Variants in NLGN1 observed in about 807,000 individuals in gnomAD.
The protein encoded by NLGN1 is neuroligin 1, also known as neuroligin-1.
NLGN1 carries 12 observed loss-of-function variants against 65.5 expected under a neutral mutation model. The observed-to-expected ratio is 0.18, with a 90% confidence interval of 0.12 to 0.30. The LOEUF (loss-of-function observed/expected upper bound fraction) is 0.30, where lower values mean the gene tolerates loss of function less well. NLGN1 is among the 10% of genes least tolerant of loss of function. The pLI is 1.00. For synonymous variants in NLGN1, 350 were observed against 359.5 expected, an observed-to-expected ratio of 0.97 and a Z score of 0.30; for missense variants, 750 against 1,007.1, an observed-to-expected ratio of 0.74 and a Z score of 3.46.
At chr3:173,399,911 G>A (rs1015228756) in intron 1 of NLGN1, 3 of 152,118 alleles carry the variant, frequency 2.0e-5, no homozygotes, top group Admixed American at 6.5e-5. Context: ...TTTGAGTGAC[G>A]TATCTCTCTG....
chr3:173,600,190 TACATGTGTGTACACAC>T (rs1750217855), intron 2 of NLGN1, among the ~76,000 whole-genome samples: 2 of 62,298 alleles, frequency 3.2e-5, no homozygotes, highest in Non-Finnish European at 7.4e-5. Flanking sequence ...TACATGTGTG[TACATGTGTGTACACAC>T]ACACACACAC....
intron 3 of NLGN1, among the ~76,000 whole-genome samples, chr3:173,649,843 ACT>A (rs1242442815): frequency 6.6e-6 from 1 of 152,062 alleles, no homozygotes; most frequent in Non-Finnish European, 1.5e-5. Flanking sequence ...CAATAAGAAA[ACT>A]GTGTTCAAAT....
intron 4 of NLGN1, among the ~76,000 whole-genome samples, chr3:173,857,014 G>A (rs1256489512): frequency 2.1e-5 from 2 of 96,738 alleles, no homozygotes; most frequent in Non-Finnish European, 5.3e-5. Flanking sequence ...TGCAAAAGGC[G>A]TTAGATAAAA....
chr3:173,599,928 T>G (rs1445965279), intron 2 of NLGN1, among the ~76,000 whole-genome samples: 1 of 152,126 alleles, frequency 6.6e-6, no homozygotes, highest in Non-Finnish European at 1.5e-5. Flanking sequence ...TTGTTTCTAC[T>G]TTATGAACAC....
intron 4 of NLGN1, among the ~76,000 whole-genome samples, chr3:173,811,007 C>T (rs1409062175): frequency 6.6e-6 from 1 of 152,164 alleles, no homozygotes; most frequent in East Asian, 1.9e-4. Context: ...TAACCTCACT[C>T]CCCAGTTTCA....
chr3:174,132,616 AG>A (rs1720420360), intron 4 of NLGN1, among the ~76,000 whole-genome samples: 1 of 152,186 alleles, frequency 6.6e-6, no homozygotes. Context: ...CCAGAGTTCA[AG>A]GTACTCGACT....
At chr3:173,415,342 A>G (rs1713454520) in intron 1 of NLGN1, among the ~76,000 whole-genome samples, 1 of 152,184 alleles carries the variant, frequency 6.6e-6, no homozygotes, top group Non-Finnish European at 1.5e-5. Context: ...GATAATTTAA[A>G]GCAACTGACA....
At chr3:174,077,569 A>AT (rs140048959) in intron 4 of NLGN1, among the ~76,000 whole-genome samples, 27,819 of 151,100 alleles carry the variant, frequency 0.18, 2,712 homozygotes, top group African/African-American at 0.26. Flanking sequence ...TTATTTATTT[A>AT]TTTTTTTTGA....
intron 3 of NLGN1, among the ~76,000 whole-genome samples, chr3:173,653,389 C>G (rs183561690): frequency 4.6e-5 from 7 of 152,070 alleles, no homozygotes; most frequent in African/African-American, 1.7e-4. Context: ...CATATTTGGC[C>G]TATATTATTT....
At chr3:173,670,632 A>G (rs1046767484) in intron 3 of NLGN1, among the ~76,000 whole-genome samples, 3 of 152,154 alleles carry the variant, frequency 2.0e-5, no homozygotes, top group Non-Finnish European at 4.4e-5. Flanking sequence ...ACTTTTTCAT[A>G]TATTGAACTA....
intron 4 of NLGN1, among the ~76,000 whole-genome samples, chr3:173,948,157 G>A (rs1747533945): frequency 6.6e-6 from 1 of 152,064 alleles, no homozygotes; most frequent in African/African-American, 2.4e-5. Context: ...CAAACCACAG[G>A]TTTCCTTTTT....
intron 4 of NLGN1, among the ~76,000 whole-genome samples, chr3:174,213,436 A>G (rs900252821): frequency 2.0e-5 from 3 of 152,242 alleles, no homozygotes; most frequent in Admixed American, 1.3e-4. Context: ...GTTCAAAGGA[A>G]TATATGAGGA....
At chr3:173,645,840 C>T (rs1282243543) in intron 3 of NLGN1, among the ~76,000 whole-genome samples, 3 of 152,200 alleles carry the variant, frequency 2.0e-5, no homozygotes, top group Non-Finnish European at 1.5e-5. Context: ...CTGCCATAAT[C>T]CCAGCCCTGT....
At chr3:174,023,643 A>G (rs1051013505) in intron 4 of NLGN1, among the ~76,000 whole-genome samples, 4 of 152,190 alleles carry the variant, frequency 2.6e-5, no homozygotes, top group African/African-American at 9.6e-5. Flanking sequence ...GCTGCTATCC[A>G]GGATGACTGT....
intron 4 of NLGN1, among the ~76,000 whole-genome samples, chr3:174,152,022 T>C (rs886208470): frequency 1.2e-4 from 18 of 152,298 alleles, no homozygotes; most frequent in Non-Finnish European, 2.6e-4. Flanking sequence ...CACCTTTGCG[T>C]ATCTGTTCTA....
rs145863367 is a variant in NLGN1, at chr3:173,903,457, C to T, written c.646+95625C>T. On this transcript the variant is annotated intron_variant, in intron 4 of 6. Coordinates refer to ENST00000457714, the Ensembl canonical transcript of NLGN1. ...TGGTAAAGATAATTTAATCTTTGTACTTTGATTATCTGAAATATATTTATG... is the reference window on the plus strand; with the variant it reads ...TGGTAAAGATAATTTAATCTTTGTATTTTGATTATCTGAAATATATTTATG... 1.6e-3 allele frequency among the ~76,000 whole-genome samples: 246 copies of T among 152,170 alleles called. 1 individual carries two copies. The highest frequency in any genetic ancestry group is 5.6e-3 in the African/African-American group (232 of 41,520).
chr3:174,033,682 G>A (rs1730518009), intron 4 of NLGN1, among the ~76,000 whole-genome samples: 1 of 152,112 alleles, frequency 6.6e-6, no homozygotes, highest in African/African-American at 2.4e-5. Context: ...TCTTTGATGG[G>A]CTCATACTAG....
At chr3:173,946,739 T>G (rs1012143923) in intron 4 of NLGN1, among the ~76,000 whole-genome samples, 2 of 152,210 alleles carry the variant, frequency 1.3e-5, no homozygotes, top group Non-Finnish European at 2.9e-5. Context: ...TGTCCTCTAC[T>G]CAGTGGGACT....
At chr3:173,857,183 C>A (rs1396144848) in intron 4 of NLGN1, among the ~76,000 whole-genome samples, 1 of 151,952 alleles carries the variant, frequency 6.6e-6, no homozygotes, top group East Asian at 1.9e-4. Context: ...GTAGCATGTC[C>A]TTAAGTCAAG....
Sources: gnomAD v4.1 joint callset for allele counts (sites outside exome capture counted in the v4.1 genomes callset) on GRCh38, gnomAD v4.1.1 for gene constraint, MANE v1.5 for transcripts, NCBI Gene and HGNC (gene_info 2026-07-23, HGNC 2026-07-21) for gene names.